The following SNAPC1 variants were observed in gnomAD, a reference collection of about 807,000 sequenced individuals.
The protein encoded by SNAPC1 is snRNA-activating protein complex subunit 1.
In SNAPC1, 42 loss-of-function variants were observed where a neutral mutation model predicts 50.1. That is an observed-to-expected ratio of 0.84 (90% CI 0.65 to 1.08). The LOEUF (loss-of-function observed/expected upper bound fraction) is 1.08. Ranked by LOEUF, SNAPC1 falls within the 50% of genes least tolerant of loss-of-function variation. The pLI, the probability that SNAPC1 is intolerant of heterozygous loss-of-function variation, is 0.00. For missense variants in SNAPC1, 477 were observed against 427.3 expected, an observed-to-expected ratio of 1.12 and a Z score of -1.02; for synonymous variants, 164 against 144.2, an observed-to-expected ratio of 1.14 and a Z score of -0.98.
chr14:61,778,887 A>G lies in SNAPC1; in HGVS notation c.802A>G (p.Lys268Glu), dbSNP rs2045052696. 4 of 1,563,612 alleles carry G rather than the reference A, an allele frequency of 2.6e-6. No individual in the cohort carries two copies. The highest frequency in any genetic ancestry group is 2.6e-6 in the Non-Finnish European group (3 of 1,158,944). Residue 268 changes from lysine (K) to glutamate (E), a missense_variant, in exon 7 of 10, where the codon AAG becomes GAG. Physicochemically the swap from Lys to Glu is moderately conservative, Grantham distance 56 (BLOSUM62 1). Coordinates refer to ENST00000216294, the MANE Select transcript of SNAPC1 (RefSeq NM_003082.4). ...RAESLAKIKS[K>E]AFSVVIQASK... ...AGAATCATTAGCGAAAATAAAATCA[A>G]AGGCCTTTTCAGTTGTCATACAGGT...
chr14:61,787,489 C>T (rs1221728725), intron 8 of SNAPC1, among the ~76,000 whole-genome samples: 1 of 151,522 alleles, frequency 6.6e-6, no homozygotes, highest in Non-Finnish European at 1.5e-5. Context: ...CCCCTAGAAT[C>T]ACGGCAGATT....
At chr14:61,784,959 C>T (rs13313401) in intron 8 of SNAPC1, among the ~76,000 whole-genome samples, 22,519 of 152,006 alleles carry the variant, frequency 0.15, 2,018 homozygotes, top group South Asian at 0.32. Context: ...AGAGAATTTG[C>T]TGAAAAATAA....
intron 7 of SNAPC1, 35 bp downstream of exon 7, chr14:61,778,945 G>A: frequency 3.4e-6 from 4 of 1,163,930 alleles, no homozygotes; most frequent in Non-Finnish European, 5.0e-6. Flanking sequence ...TTTGGAAATT[G>A]ACTGCTTTTT....
At chr14:61,777,824 C>A (rs933318580) in intron 5 of SNAPC1, among the ~76,000 whole-genome samples, 3 of 151,938 alleles carry the variant, frequency 2.0e-5, no homozygotes, top group Admixed American at 2.0e-4. Flanking sequence ...GAGAATAAGC[C>A]CATTTTCTTA....
intron 8 of SNAPC1, among the ~76,000 whole-genome samples, chr14:61,791,079 T>C (rs143023324): frequency 0.04 from 6,105 of 152,224 alleles, 128 homozygotes; most frequent in Middle Eastern, 0.068. Flanking sequence ...TGGCGCGATC[T>C]CGGCTCACTG....
intron 3 of SNAPC1, among the ~76,000 whole-genome samples, chr14:61,767,607 G>A (rs997943419): frequency 3.3e-5 from 5 of 151,688 alleles, no homozygotes; most frequent in African/African-American, 9.7e-5. Context: ...GGGACTACAG[G>A]CATGCGCCAC....
At chr14:61,776,369 T>C in intron 5 of SNAPC1, 116 bp downstream of exon 5, 1 of 898,560 alleles carries the variant, frequency 1.1e-6, no homozygotes, top group East Asian at 2.6e-5. Flanking sequence ...GGAGCTAAGA[T>C]TTATAGGGCT....
rs763658142 is a variant in SNAPC1, at chr14:61,766,886, A to C, written c.139A>C (p.Arg47=). The change falls in exon 2 of 10, where the codon AGA becomes CGA. Residue 47 remains arginine, a synonymous_variant. Coordinates refer to ENST00000216294, the MANE Select transcript of SNAPC1 (RefSeq NM_003082.4). The stretch of plus-strand genomic sequence containing the variant: ...CTCTCTGTTTATTAGTGGCAGAATG[A>C]GAAATTTAGAAAAGAACATGTTTAC... The part of the protein sequence containing the change: ...KFGTIFCGRM[R]NLEKNMFTKE... 3.7e-6 allele frequency: 6 copies of C among 1,606,792 alleles called. No individual in the cohort carries two copies. Among genetic ancestry groups the C allele is most frequent in the Non-Finnish European group, 3.4e-6 (4 of 1,174,004 alleles).
intron 8 of SNAPC1, among the ~76,000 whole-genome samples, chr14:61,786,896 A>G (rs1288614720): frequency 6.6e-6 from 1 of 152,264 alleles, no homozygotes; most frequent in Admixed American, 6.5e-5. Context: ...CAAACAGCCT[A>G]AAAATCCTTC....
chr14:61,792,661 A>G (rs2045160819), intron 8 of SNAPC1, 146 bp from the exon 9 acceptor site: 1 of 424,658 alleles, frequency 2.4e-6, no homozygotes, highest in Non-Finnish European at 4.3e-6. Flanking sequence ...TAGGTATTCT[A>G]GAATGCGTAT....
chr14:61,775,485 A>ACC (rs1223678022), intron 4 of SNAPC1, among the ~76,000 whole-genome samples: 10 of 151,880 alleles, frequency 6.6e-5, no homozygotes, highest in African/African-American at 1.9e-4. Context: ...TGAACTCCTG[A>ACC]TCTGGTGATT....
At chr14:61,789,231 A>T in intron 8 of SNAPC1, among the ~76,000 whole-genome samples, 1 of 61,634 alleles carries the variant, frequency 1.6e-5, no homozygotes, top group South Asian at 7.2e-4. Flanking sequence ...ACTCCATCTC[A>T]AAAAAAAAAA....
At chr14:61,782,022 A>G (rs954311589) in intron 7 of SNAPC1, among the ~76,000 whole-genome samples, 4 of 152,254 alleles carry the variant, frequency 2.6e-5, no homozygotes, top group African/African-American at 9.6e-5. Flanking sequence ...CCATGTGAGT[A>G]GATGATGATG....
At chr14:61,785,130 C>T (rs891803809) in intron 8 of SNAPC1, among the ~76,000 whole-genome samples, 6 of 152,084 alleles carry the variant, frequency 3.9e-5, no homozygotes, top group African/African-American at 9.7e-5. Flanking sequence ...AGGCCGGGCG[C>T]GGTGGCCCAT....
chr14:61,784,327 A>G (rs2045099676), intron 8 of SNAPC1, among the ~76,000 whole-genome samples: 1 of 152,244 alleles, frequency 6.6e-6, no homozygotes, highest in African/African-American at 2.4e-5. Flanking sequence ...ACCTTGACTG[A>G]GTACACTTAT....
intron 7 of SNAPC1, among the ~76,000 whole-genome samples, chr14:61,780,925 T>C (rs2045067411): frequency 6.6e-6 from 1 of 152,228 alleles, no homozygotes. Flanking sequence ...ATGTGTGGAC[T>C]TTTTTCCTTG....
chr14:61,771,708 T>C (rs375406627), intron 4 of SNAPC1, among the ~76,000 whole-genome samples: 1 of 152,160 alleles, frequency 6.6e-6, no homozygotes, highest in East Asian at 1.9e-4. Context: ...GCGAGCAAGG[T>C]TCCTGCTATG....
intron 5 of SNAPC1, 129 bp from the exon 6 acceptor site, chr14:61,777,943 A>G (rs1438208466): frequency 1.9e-6 from 1 of 540,510 alleles, no homozygotes; most frequent in Non-Finnish European, 3.3e-6. Flanking sequence ...GGTGGTATAT[A>G]ATGTGAATGA....
chr14:61,779,037 G>A, intron 7 of SNAPC1, 127 bp downstream of exon 7: 1 of 568,538 alleles, frequency 1.8e-6, no homozygotes, highest in Non-Finnish European at 3.1e-6. Flanking sequence ...AGATTATATA[G>A]CACAACAGTC....
Sources: gnomAD v4.1 joint callset for allele counts (sites outside exome capture counted in the v4.1 genomes callset) on GRCh38, gnomAD v4.1.1 for gene constraint, MANE v1.5 for transcripts, NCBI Gene and HGNC (gene_info 2026-07-23, HGNC 2026-07-21) for gene names.